SPATA13: variants seen among roughly 807,000 people sequenced by gnomAD.
SPATA13 encodes spermatogenesis-associated protein 13.
SPATA13 carries 50 observed loss-of-function variants against 104.0 expected under a neutral mutation model. The ratio of observed to expected loss-of-function variants is 0.48; its 90% confidence interval spans 0.38 to 0.61. SPATA13 has a LOEUF of 0.61. Ranked by LOEUF, SPATA13 falls within the 20% of genes least tolerant of loss-of-function variation. The pLI, the probability that SPATA13 is intolerant of heterozygous loss-of-function variation, is 0.00. For missense variants in SPATA13, 1,524 were observed against 1,690.6 expected, an observed-to-expected ratio of 0.90 and a Z score of 1.73; for synonymous variants, 606 against 667.5, an observed-to-expected ratio of 0.91 and a Z score of 1.42.
intron 3 of SPATA13, among the ~76,000 whole-genome samples, chr13:24,038,403 T>C (rs539164516): frequency 6.6e-6 from 1 of 152,316 alleles, no homozygotes; most frequent in East Asian, 1.9e-4. Flanking sequence ...ATTTTTGATA[T>C]TCCAACATAG....
intron 1 of SPATA13, among the ~76,000 whole-genome samples, chr13:24,216,939 T>A (rs964481871): frequency 6.6e-6 from 1 of 152,128 alleles, no homozygotes; most frequent in Non-Finnish European, 1.5e-5. Context: ...CAATCTCAGA[T>A]ACTTGGGAGG....
At chr13:24,027,502 T>A (rs1242874220) in intron 3 of SPATA13, among the ~76,000 whole-genome samples, 1 of 152,222 alleles carries the variant, frequency 6.6e-6, no homozygotes, top group Non-Finnish European at 1.5e-5. Context: ...GAATAAACTT[T>A]TTACTTCCTA....
At chr13:24,102,781 A>G (rs1445713270) in intron 3 of SPATA13, among the ~76,000 whole-genome samples, 4 of 152,168 alleles carry the variant, frequency 2.6e-5, no homozygotes, top group African/African-American at 9.7e-5. Flanking sequence ...GCCACTTCAC[A>G]GAAATTTTTT....
At chr13:23,982,525 A>G (rs1035542734) in intron 1 of SPATA13, among the ~76,000 whole-genome samples, 4 of 152,222 alleles carry the variant, frequency 2.6e-5, no homozygotes, top group African/African-American at 7.2e-5. Context: ...TAATACTTTT[A>G]TAGATACTAT....
chr13:24,285,893 C>T (rs1875901066), intron 5 of SPATA13, among the ~76,000 whole-genome samples: 1 of 152,124 alleles, frequency 6.6e-6, no homozygotes, highest in African/African-American at 2.4e-5. Flanking sequence ...CTTGGTTGGG[C>T]TGGTCTTGAA....
chr13:24,081,186 A>T (rs1879503809), intron 3 of SPATA13, among the ~76,000 whole-genome samples: 1 of 152,014 alleles, frequency 6.6e-6, no homozygotes, highest in African/African-American at 2.4e-5. Flanking sequence ...CAATAATTTG[A>T]CTCCTTTCAG....
chr13:24,219,651 A>T (rs1029218715), intron 1 of SPATA13, among the ~76,000 whole-genome samples: 1 of 152,230 alleles, frequency 6.6e-6, no homozygotes, highest in Non-Finnish European at 1.5e-5. Flanking sequence ...ATTTTGGTAA[A>T]AACAATTTGA....
intron 2 of SPATA13, chr13:24,017,663 C>A: frequency 5.1e-6 from 5 of 985,334 alleles, no homozygotes; most frequent in Non-Finnish European, 6.0e-6. Flanking sequence ...TTTTTCCTTT[C>A]CAGAGCTTGT....
chr13:24,062,818 A>T (rs1337280534), intron 3 of SPATA13, among the ~76,000 whole-genome samples: 1 of 152,138 alleles, frequency 6.6e-6, no homozygotes, highest in Non-Finnish European at 1.5e-5. Flanking sequence ...TGAGAGAAGT[A>T]TCGGGATTTC....
chr13:24,300,885 G>C (rs1304473612), intron 12 of SPATA13, among the ~76,000 whole-genome samples: 1 of 152,136 alleles, frequency 6.6e-6, no homozygotes, highest in Non-Finnish European at 1.5e-5. Flanking sequence ...CTTGTCAGCT[G>C]TAGGCTGGAT....
At chr13:24,265,711 T>C (rs1434116813) in intron 4 of SPATA13, among the ~76,000 whole-genome samples, 1 of 152,080 alleles carries the variant, frequency 6.6e-6, no homozygotes, top group Non-Finnish European at 1.5e-5. Flanking sequence ...GGCCATGCTT[T>C]CCCAGGGGAC....
At chr13:24,100,676 C>A (rs1443326235) in intron 3 of SPATA13, among the ~76,000 whole-genome samples, 1 of 152,164 alleles carries the variant, frequency 6.6e-6, no homozygotes, top group East Asian at 1.9e-4. Context: ...AAAGTTGGGG[C>A]TAGAATTTTG....
intron 3 of SPATA13, among the ~76,000 whole-genome samples, chr13:24,113,464 C>T (rs545996631): frequency 2.0e-5 from 3 of 151,790 alleles, no homozygotes; most frequent in East Asian, 1.9e-4. Context: ...ATTAGCCAAG[C>T]GTGGTGGCAT....
intron 2 of SPATA13, among the ~76,000 whole-genome samples, chr13:24,247,938 G>C (rs756458370): frequency 2.0e-5 from 3 of 152,238 alleles, no homozygotes; most frequent in East Asian, 3.9e-4. Flanking sequence ...GGAGGGAGCC[G>C]GTGGGCTGCG....
chr13:23,986,889 G>A (rs1875172026), intron 2 of SPATA13, among the ~76,000 whole-genome samples: 1 of 152,046 alleles, frequency 6.6e-6, no homozygotes, highest in South Asian at 2.1e-4. Context: ...ATGGGATCTC[G>A]TTGTGCAAGG....
intron 12 of SPATA13, among the ~76,000 whole-genome samples, 178 bp from the exon 13 acceptor site, chr13:24,302,420 C>T (rs1263986595): frequency 7.1e-6 from 1 of 141,616 alleles, no homozygotes; most frequent in Non-Finnish European, 1.5e-5. Context: ...CAAGATCACA[C>T]CACTGCACTC....
Position 24,160,943 on chromosome 13 carries a change from T to C in SPATA13, c.-112+11T>C, listed in dbSNP as rs1882448201. The C allele has an allele frequency of 1.0e-6, 1 of 985,840 alleles. No individual in the cohort carries two copies. Among genetic ancestry groups the C allele is most frequent in the African/African-American group, 1.7e-5 (1 of 57,344 alleles). The allele number at this position is 985,840 out of a possible 1,614,324, so 61.1% of individuals were successfully genotyped here. ...GAGGCGCCGCAGGAGGTAAGACGGC[T>C]TCGGGCGCGCGGCTCTGCCGGGCGG... On this transcript the variant is annotated intron_variant, in intron 1 of 12. Coordinates refer to ENST00000382108, the MANE Select transcript of SPATA13 (RefSeq NM_001166271.3).
At chr13:24,052,866 A>G (rs150170524) in intron 3 of SPATA13, among the ~76,000 whole-genome samples, 963 of 8,086 alleles carry the variant, frequency 0.12, 28 homozygotes, top group African/African-American at 0.29. Context: ...CCACCACATT[A>G]TTTATACTAC....
At chr13:24,010,927 GC>G (rs1876445022) in intron 2 of SPATA13, among the ~76,000 whole-genome samples, 1 of 151,158 alleles carries the variant, frequency 6.6e-6, no homozygotes, top group Non-Finnish European at 1.5e-5. Context: ...TAAATGCTTT[GC>G]CCCACTGGTG....
Sources: allele counts gnomAD v4.1 joint callset (sites outside exome capture counted in the v4.1 genomes callset), GRCh38; gene constraint gnomAD v4.1.1; transcripts MANE v1.5; gene names NCBI Gene and HGNC (gene_info 2026-07-23, HGNC 2026-07-21).